The following SHC3 variants were observed in gnomAD, a reference collection of about 807,000 sequenced individuals.
SHC3 encodes SHC-transforming protein 3.
In SHC3, 15 loss-of-function variants were observed where a neutral mutation model predicts 60.4. That is an observed-to-expected ratio of 0.25 (90% confidence interval 0.17 to 0.38). SHC3 has a LOEUF of 0.38. SHC3 is among the 10% of genes least tolerant of loss of function. The probability of loss-of-function intolerance (pLI) is 1.00; values close to 1 mark genes in which losing one functional copy is unlikely to be tolerated. For missense variants in SHC3, 677 were observed against 786.1 expected (o/e 0.86, Z 1.66); for synonymous variants, 294 against 325.9 (o/e 0.90, Z 1.05).
At chr9:89,077,008 C>A (rs1250080842) in intron 3 of SHC3, among the ~76,000 whole-genome samples, 2 of 151,978 alleles carry the variant, frequency 1.3e-5, no homozygotes, top group Non-Finnish European at 2.9e-5. Flanking sequence ...GAAACCCCAT[C>A]TCTACTAAAA....
chr9:89,058,648 GCAGAAGA>G (rs2117950329), intron 6 of SHC3, among the ~76,000 whole-genome samples: 1 of 149,362 alleles, frequency 6.7e-6, no homozygotes, highest in East Asian at 2.0e-4. Context: ...GAGGACAGTA[GCAGAAGA>G]TGTGGTGGAG....
chr9:89,035,891 A>ATT (rs1824571658), intron 11 of SHC3, among the ~76,000 whole-genome samples: 2 of 121,984 alleles, frequency 1.6e-5, no homozygotes, highest in East Asian at 5.4e-4. Context: ...GTGTGTGTGT[A>ATT]TTGGGTCTCT....
chr9:89,052,028 A>G lies in SHC3; in HGVS notation c.962+9T>C. The G allele has an allele frequency of 6.2e-7, 1 of 1,613,174 alleles. No homozygotes were observed. Among genetic ancestry groups the G allele is most frequent in the South Asian group, 1.1e-5 (1 of 91,030 alleles). On this transcript the variant is annotated intron_variant, in intron 7 of 11. Coordinates refer to ENST00000375835, the MANE Select transcript of SHC3 (RefSeq NM_016848.6). ...AGGCTATTGCAAATGGTGTCACAGC[A>G]CTACTCACCGATCATGGAGAGCGGG...
chr9:89,021,448 G>A lies in SHC3; in HGVS notation c.1657-7873C>T, dbSNP rs552338987. ...CAGTGACCAAAGACAGCACCAGATC[G>A]GCTCACAGAGTGGAAGGCCTAGGCC... On this transcript the variant is annotated intron_variant, in intron 11 of 11. Coordinates refer to ENST00000375835, the MANE Select transcript of SHC3 (RefSeq NM_016848.6). 4.6e-5 allele frequency among the ~76,000 whole-genome samples: 7 copies of A among 152,306 alleles called. No individual in the cohort carries two copies. The South Asian group carries it at 1.2e-3, about 27-fold the overall frequency.
chr9:89,085,632 T>G (rs538384900), intron 2 of SHC3, among the ~76,000 whole-genome samples: 1 of 152,250 alleles, frequency 6.6e-6, no homozygotes, highest in Non-Finnish European at 1.5e-5. Context: ...ATTTTCTCCA[T>G]AATTGTTCCA....
chr9:89,075,654 C>A (rs559512458), intron 3 of SHC3, among the ~76,000 whole-genome samples: 1 of 152,180 alleles, frequency 6.6e-6, no homozygotes, highest in Non-Finnish European at 1.5e-5. Flanking sequence ...CTAAAGCAGG[C>A]CAGCTCTAGG....
At chr9:89,127,372 A>C (rs1332019085) in intron 1 of SHC3, among the ~76,000 whole-genome samples, 1 of 152,140 alleles carries the variant, frequency 6.6e-6, no homozygotes, top group South Asian at 2.1e-4. Context: ...ATTTAAAAGA[A>C]TTTTTTTAAA....
chr9:89,066,763 C>T (rs2117982406), intron 5 of SHC3, among the ~76,000 whole-genome samples: 1 of 152,294 alleles, frequency 6.6e-6, no homozygotes, highest in South Asian at 2.1e-4. Context: ...TCGTGACTTG[C>T]TCCACTGTTT....
chr9:89,049,813 G>A (rs1280388955), intron 7 of SHC3, among the ~76,000 whole-genome samples: 2 of 152,198 alleles, frequency 1.3e-5, no homozygotes, highest in African/African-American at 4.8e-5. Context: ...CAAACGCCGA[G>A]CTGTAACCAA....
intron 2 of SHC3, among the ~76,000 whole-genome samples, chr9:89,102,610 T>C (rs1421294582): frequency 6.6e-6 from 1 of 152,228 alleles, no homozygotes; most frequent in African/African-American, 2.4e-5. Context: ...TTTTTTGTAG[T>C]TGTAAAATAA....
intron 1 of SHC3, among the ~76,000 whole-genome samples, chr9:89,154,181 G>A (rs982961136): frequency 2.0e-5 from 3 of 151,812 alleles, no homozygotes; most frequent in Non-Finnish European, 4.4e-5. Flanking sequence ...AAAACATTAT[G>A]AGATTTTTTT....
intron 2 of SHC3, among the ~76,000 whole-genome samples, chr9:89,094,237 G>A (rs1825667857): frequency 6.6e-6 from 1 of 152,160 alleles, no homozygotes; most frequent in Non-Finnish European, 1.5e-5. Flanking sequence ...GTCACTAGGA[G>A]CCATTGTAGC....
chr9:89,066,925 A>T (rs1410094360), intron 5 of SHC3, among the ~76,000 whole-genome samples: 1 of 152,116 alleles, frequency 6.6e-6, no homozygotes, highest in African/African-American at 2.4e-5. Flanking sequence ...GGTGCTGGGC[A>T]CTTTTCCACA....
intron 2 of SHC3, among the ~76,000 whole-genome samples, chr9:89,104,072 C>T (rs1825820621): frequency 6.6e-6 from 1 of 152,062 alleles, no homozygotes; most frequent in Non-Finnish European, 1.5e-5. Flanking sequence ...GGGGAATGAA[C>T]ACCACGGATT....
chr9:89,100,506 G>C (rs775654102), intron 2 of SHC3, among the ~76,000 whole-genome samples: 8 of 152,058 alleles, frequency 5.3e-5, no homozygotes, highest in Non-Finnish European at 1.0e-4. Flanking sequence ...AAAGTGCTGG[G>C]AGCTACCATG....
At chr9:89,086,610 T>C (rs1825534404) in intron 2 of SHC3, among the ~76,000 whole-genome samples, 1 of 152,142 alleles carries the variant, frequency 6.6e-6, no homozygotes, top group Admixed American at 6.5e-5. Flanking sequence ...ATAGGCAAGA[T>C]TCATTAAATC....
Position 89,061,588 on chromosome 9 carries a change from A to G in SHC3, c.835+3941T>C, listed in dbSNP as rs1825091002. Among the ~76,000 whole-genome samples, 6 of 152,292 alleles carry G rather than the reference A, an allele frequency of 3.9e-5. No individual in the cohort carries two copies. The South Asian group carries it at 1.2e-3, about 32-fold the overall frequency. On this transcript the variant is annotated intron_variant, in intron 6 of 11. Transcript: ENST00000375835. ...GGCTGGATATGTAGGCTTCTCTCCCATTGGGTCAGCAGCACCTAAGCATAG... is the reference window on the plus strand; with the variant it reads ...GGCTGGATATGTAGGCTTCTCTCCCGTTGGGTCAGCAGCACCTAAGCATAG...
chr9:89,172,297 C>A (rs1826880349), intron 1 of SHC3, among the ~76,000 whole-genome samples: 1 of 152,192 alleles, frequency 6.6e-6, no homozygotes. Flanking sequence ...AATTCTAGCA[C>A]TGGGAGACAT....
At chr9:89,155,661 C>T (rs1826612362) in intron 1 of SHC3, among the ~76,000 whole-genome samples, 2 of 152,174 alleles carry the variant, frequency 1.3e-5, no homozygotes, top group African/African-American at 4.8e-5. Context: ...CTCAGCTCAG[C>T]CCCTGAACAT....
Sources: allele counts gnomAD v4.1 joint callset (sites outside exome capture counted in the v4.1 genomes callset), GRCh38; gene constraint gnomAD v4.1.1; transcripts MANE v1.5; gene names NCBI Gene and HGNC (gene_info 2026-07-23, HGNC 2026-07-21).